CABCOCO1: variants seen among roughly 807,000 people sequenced by gnomAD.
CABCOCO1 encodes ciliary associated calcium binding coiled-coil 1, also known as ciliary-associated calcium-binding coiled-coil protein 1.
In CABCOCO1, 28 loss-of-function variants were observed where a neutral mutation model predicts 35.7. The ratio of observed to expected loss-of-function variants is 0.78; its 90% confidence interval spans 0.58 to 1.07. CABCOCO1 has a LOEUF of 1.07. CABCOCO1 is among the 50% of genes least tolerant of loss of function. CABCOCO1 has a pLI of 0.00. For synonymous variants in CABCOCO1, 95 were observed against 100.1 expected, an observed-to-expected ratio of 0.95 and a Z score of 0.30; for missense variants, 326 against 309.2, an observed-to-expected ratio of 1.05 and a Z score of -0.41.
At chr10:61,665,933 C>T (rs1468510424) in intron 1 of CABCOCO1, among the ~76,000 whole-genome samples, 2 of 151,736 alleles carry the variant, frequency 1.3e-5, no homozygotes, top group African/African-American at 4.8e-5. Context: ...AAGTAGTACA[C>T]TTACAAGGAA....
intron 5 of CABCOCO1, among the ~76,000 whole-genome samples, chr10:61,710,881 T>C (rs1840719336): frequency 6.6e-6 from 1 of 151,794 alleles, no homozygotes; most frequent in Admixed American, 6.6e-5. Context: ...GTGACAGCTT[T>C]TCACTCCAGG....
intron 3 of CABCOCO1, 96 bp downstream of exon 3, chr10:61,681,408 T>C: frequency 1.1e-6 from 1 of 936,670 alleles, no homozygotes; most frequent in Non-Finnish European, 1.5e-6. Context: ...TGTAATTCCT[T>C]TAATGAAAAA....
At chr10:61,700,780 C>G (rs1339058853) in intron 5 of CABCOCO1, among the ~76,000 whole-genome samples, 1 of 152,008 alleles carries the variant, frequency 6.6e-6, no homozygotes, top group Non-Finnish European at 1.5e-5. Flanking sequence ...TATGGTGCCT[C>G]TATATAATTC....
intron 5 of CABCOCO1, among the ~76,000 whole-genome samples, chr10:61,724,233 T>G (rs1226513815): frequency 6.6e-6 from 1 of 152,206 alleles, no homozygotes; most frequent in African/African-American, 2.4e-5. Context: ...AGCCCTTTCT[T>G]AATGTTTAAA....
chr10:61,688,419 T>C (rs1056356713), intron 4 of CABCOCO1, among the ~76,000 whole-genome samples: 1 of 152,214 alleles, frequency 6.6e-6, no homozygotes, highest in East Asian at 1.9e-4. Context: ...CACTCTGTCA[T>C]GTGTCTGTGA....
chr10:61,727,893 A>T (rs1841197413), intron 5 of CABCOCO1, among the ~76,000 whole-genome samples: 1 of 152,206 alleles, frequency 6.6e-6, no homozygotes, highest in South Asian at 2.1e-4. Context: ...CTCTATATAT[A>T]AACTATTTAA....
At chr10:61,719,011 C>A (rs536746680) in intron 5 of CABCOCO1, among the ~76,000 whole-genome samples, 7 of 152,210 alleles carry the variant, frequency 4.6e-5, no homozygotes, top group African/African-American at 1.7e-4. Context: ...TTTGAAAACA[C>A]CTTGTTAATT....
At chr10:61,671,761 T>C (rs1839368425) in intron 1 of CABCOCO1, among the ~76,000 whole-genome samples, 1 of 152,122 alleles carries the variant, frequency 6.6e-6, no homozygotes, top group African/African-American at 2.4e-5. Context: ...CACCCTCCAG[T>C]AGATTACCCT....
At chr10:61,673,096 T>G (rs1283095804) in intron 2 of CABCOCO1, among the ~76,000 whole-genome samples, 1 of 152,206 alleles carries the variant, frequency 6.6e-6, no homozygotes, top group African/African-American at 2.4e-5. Context: ...GAGTAAGTTG[T>G]GTTTTCTGTA....
At chr10:61,736,058 A>G (rs1322052012) in intron 5 of CABCOCO1, among the ~76,000 whole-genome samples, 5 of 152,188 alleles carry the variant, frequency 3.3e-5, no homozygotes, top group Non-Finnish European at 5.9e-5. Flanking sequence ...GCTGAATATT[A>G]GACATTTGTC....
At chr10:61,719,955 A>C (rs187057669) in intron 5 of CABCOCO1, among the ~76,000 whole-genome samples, 7 of 151,958 alleles carry the variant, frequency 4.6e-5, no homozygotes, top group Non-Finnish European at 5.9e-5. Context: ...AAAAGAAAAT[A>C]AAATCACACA....
chr10:61,680,564 T>A (rs1379944075), intron 2 of CABCOCO1, among the ~76,000 whole-genome samples: 2 of 17,898 alleles, frequency 1.1e-4, no homozygotes, highest in African/African-American at 4.1e-4. Context: ...TAATATATAT[T>A]TGTATATATT....
intron 5 of CABCOCO1, among the ~76,000 whole-genome samples, chr10:61,695,577 A>G (rs1840272935): frequency 6.6e-6 from 1 of 152,102 alleles, no homozygotes; most frequent in Non-Finnish European, 1.5e-5. Flanking sequence ...AGCATATTAT[A>G]GTAAAATTTC....
At chr10:61,691,221 G>T (rs1840130164) in intron 5 of CABCOCO1, among the ~76,000 whole-genome samples, 1 of 152,054 alleles carries the variant, frequency 6.6e-6, no homozygotes, top group African/African-American at 2.4e-5. Context: ...TTTCCTAATT[G>T]TTTCCTGTGG....
chr10:61,755,340 G>C (rs907742279), intron 5 of CABCOCO1, among the ~76,000 whole-genome samples: 2 of 152,072 alleles, frequency 1.3e-5, no homozygotes, highest in African/African-American at 2.4e-5. Flanking sequence ...AATTAGACTT[G>C]CAAATGAGTA....
chr10:61,760,199 T>C lies in CABCOCO1; in HGVS notation c.675+18T>C, dbSNP rs1415137481. On this transcript the variant is annotated intron_variant, in intron 6 of 7. Transcript: ENST00000648843. ...AAATGAAGGTATATTTCTTTTTGTC[T>C]TTCCATTCACCCTACCTCATCATTA... 11 of 1,608,440 alleles carry C rather than the reference T, an allele frequency of 6.8e-6. No homozygotes were observed. In the African/African-American group the frequency reaches 1.5e-4, roughly 22 times the overall value.
chr10:61,747,700 T>C (rs544940119), intron 5 of CABCOCO1, among the ~76,000 whole-genome samples: 31 of 152,072 alleles, frequency 2.0e-4, no homozygotes, highest in African/African-American at 7.0e-4. Context: ...CCAGAGTCGA[T>C]TGATACTTCG....
At chr10:61,721,037 G>A (rs1156347344) in intron 5 of CABCOCO1, among the ~76,000 whole-genome samples, 1 of 142,366 alleles carries the variant, frequency 7.0e-6, no homozygotes, top group African/African-American at 2.6e-5. Context: ...CCATTCTCCC[G>A]CCTCAGCCTC....
chr10:61,686,310 C>A (rs1337226068), intron 4 of CABCOCO1, 125 bp downstream of exon 4: 4 of 794,042 alleles, frequency 5.0e-6, no homozygotes, highest in Non-Finnish European at 7.4e-6. Flanking sequence ...ATAATTAGCC[C>A]AATCAATAAT....
Sources: gnomAD v4.1 joint callset for allele counts (sites outside exome capture counted in the v4.1 genomes callset) on GRCh38, gnomAD v4.1.1 for gene constraint, MANE v1.5 for transcripts, NCBI Gene and HGNC (gene_info 2026-07-23, HGNC 2026-07-21) for gene names.